Variants in RBFOX1 observed in about 807,000 individuals in gnomAD.
The protein encoded by RBFOX1 is RNA binding fox-1 homolog 1.
In RBFOX1, 8 loss-of-function variants were observed where a neutral mutation model predicts 57.7. The ratio of observed to expected loss-of-function variants is 0.14; its 90% CI spans 0.08 to 0.25. The LOEUF is 0.25. Among genes scored for constraint, RBFOX1 ranks in the 10% least tolerant of loss-of-function variants. RBFOX1 has a pLI of 1.00. For missense variants in RBFOX1, 611 were observed against 548.5 expected (o/e 1.11, Z -1.14); for synonymous variants, 326 against 222.4 (o/e 1.47, Z -4.15).
intron 4 of RBFOX1, among the ~76,000 whole-genome samples, chr16:5,901,704 G>A (rs1487287394): frequency 6.6e-6 from 1 of 152,200 alleles, no homozygotes; most frequent in Admixed American, 6.5e-5. Context: ...CCACATCAGA[G>A]AGCAAGGTTA....
At chr16:7,173,720 G>C (rs1293404480) in intron 4 of RBFOX1, among the ~76,000 whole-genome samples, 1 of 152,152 alleles carries the variant, frequency 6.6e-6, no homozygotes, top group East Asian at 1.9e-4. Flanking sequence ...TTAATCATCT[G>C]TAAAGAAACT....
intron 3 of RBFOX1, among the ~76,000 whole-genome samples, chr16:6,871,349 C>A (rs776590677): frequency 6.6e-6 from 1 of 152,046 alleles, no homozygotes; most frequent in Admixed American, 6.5e-5. Context: ...TCACGCCTGG[C>A]TAATTTTTGT....
intron 14 of RBFOX1, among the ~76,000 whole-genome samples, chr16:7,686,262 T>G (rs912064908): frequency 6.6e-6 from 1 of 152,066 alleles, no homozygotes; most frequent in African/African-American, 2.4e-5. Context: ...TACATTTGTT[T>G]TTGGTTGTTT....
chr16:5,867,645 G>A (rs1435127315), intron 4 of RBFOX1, among the ~76,000 whole-genome samples: 1 of 152,134 alleles, frequency 6.6e-6, no homozygotes. Context: ...GACCTCCACT[G>A]TCTGTATTAT....
intron 1 of RBFOX1, among the ~76,000 whole-genome samples, chr16:6,128,829 GA>G (rs1358068812): frequency 6.6e-6 from 1 of 152,206 alleles, no homozygotes. Context: ...AAGCAACCCA[GA>G]GTTGGGAGAC....
At chr16:7,141,986 C>G (rs1019718192) in intron 4 of RBFOX1, among the ~76,000 whole-genome samples, 1 of 132,200 alleles carries the variant, frequency 7.6e-6, no homozygotes, top group Non-Finnish European at 1.7e-5. Context: ...TCTTCTCCAT[C>G]TTCTCCTTCT....
At chr16:5,395,785 G>A (rs1415882459) in intron 1 of RBFOX1, among the ~76,000 whole-genome samples, 3 of 152,248 alleles carry the variant, frequency 2.0e-5, no homozygotes, top group African/African-American at 7.2e-5. Context: ...TGACAGTGAA[G>A]AAGCAGGCAT....
chr16:6,345,391 T>A (rs759294888), intron 2 of RBFOX1, among the ~76,000 whole-genome samples: 4 of 152,224 alleles, frequency 2.6e-5, no homozygotes, highest in Non-Finnish European at 5.9e-5. Context: ...GGGCAGATGA[T>A]ACAGACATTT....
intron 1 of RBFOX1, among the ~76,000 whole-genome samples, chr16:6,088,989 G>A (rs1392429888): frequency 5.3e-5 from 8 of 151,352 alleles, no homozygotes; most frequent in African/African-American, 7.3e-5. Context: ...CCAGCTACTC[G>A]AGAGGCCGAG....
At chr16:7,409,501 A>G (rs2149042972) in intron 4 of RBFOX1, among the ~76,000 whole-genome samples, 1 of 152,344 alleles carries the variant, frequency 6.6e-6, no homozygotes, top group South Asian at 2.1e-4. Context: ...CAATTCTATT[A>G]GAAAGCTGTT....
chr16:5,835,129 CAG>C (rs2151835457), intron 3 of RBFOX1, among the ~76,000 whole-genome samples: 1 of 152,264 alleles, frequency 6.6e-6, no homozygotes, highest in Admixed American at 6.5e-5. Flanking sequence ...GGACCCCCCC[CAG>C]AAGTATAATG....
At chr16:6,560,066 CT>C (rs555982262) in intron 2 of RBFOX1, among the ~76,000 whole-genome samples, 72 of 151,964 alleles carry the variant, frequency 4.7e-4, no homozygotes, top group African/African-American at 1.7e-3. Flanking sequence ...TCCCATTTCC[CT>C]TTCCCCTAAG....
chr16:6,450,109 G>A (rs1412234989), intron 2 of RBFOX1, among the ~76,000 whole-genome samples: 4 of 152,176 alleles, frequency 2.6e-5, no homozygotes, highest in Non-Finnish European at 5.9e-5. Flanking sequence ...GTGGGGATAT[G>A]TACATCTCAG....
intron 4 of RBFOX1, among the ~76,000 whole-genome samples, chr16:7,128,435 A>G (rs939788496): frequency 2.6e-5 from 4 of 152,312 alleles, no homozygotes; most frequent in South Asian, 2.1e-4. Context: ...TGGCAAACCA[A>G]GAGAGCCTGA....
rs1303037376 is a variant in RBFOX1 at position 6,357,188 on chromosome 16, T to C, written c.-64+40131T>C. Among the ~76,000 whole-genome samples, 6 of 152,148 alleles carry C rather than the reference T, an allele frequency of 3.9e-5. No individual in the cohort carries two copies. The East Asian group carries it at 7.8e-4, about 20-fold the overall frequency. ...TGCTACAGGCAAATATCTGGCTGCT[T>C]TGCACGCTATTGTACAACACACTGG... On this transcript the variant is annotated intron_variant, in intron 2 of 15. Coordinates refer to ENST00000550418, the MANE Select transcript of RBFOX1 (RefSeq NM_018723.4).
chr16:6,769,338 AAGGTCTTTCTCCCGTAAGTTGCCT>A (rs2077913302), intron 3 of RBFOX1, among the ~76,000 whole-genome samples: 1 of 152,304 alleles, frequency 6.6e-6, no homozygotes, highest in East Asian at 1.9e-4. Flanking sequence ...AAGTCTATTA[AAGGTCTTTCTCCCGTAAGTTGCCT>A]AGGCTTGAGT....
At chr16:5,558,503 C>A (rs1206947836) in intron 2 of RBFOX1, among the ~76,000 whole-genome samples, 1 of 152,116 alleles carries the variant, frequency 6.6e-6, no homozygotes, top group Non-Finnish European at 1.5e-5. Flanking sequence ...TCACTTGTAC[C>A]CTGTACAAAC....
At chr16:6,249,120 C>G (rs557038906) in intron 1 of RBFOX1, among the ~76,000 whole-genome samples, 1 of 152,136 alleles carries the variant, frequency 6.6e-6, no homozygotes, top group Admixed American at 6.6e-5. Context: ...TCCCCACCAA[C>G]CTACTCAAGA....
At chr16:5,255,640 C>T (rs551395199) in intron 1 of RBFOX1, among the ~76,000 whole-genome samples, 13 of 151,492 alleles carry the variant, frequency 8.6e-5, no homozygotes, top group East Asian at 2.0e-4. Flanking sequence ...ATCCCTTCAC[C>T]GACTCAACCA....
Sources: allele counts gnomAD v4.1 joint callset (sites outside exome capture counted in the v4.1 genomes callset), GRCh38; gene constraint gnomAD v4.1.1; transcripts MANE v1.5; gene names NCBI Gene and HGNC (gene_info 2026-07-23, HGNC 2026-07-21).